The following PSEN1 variants were observed in gnomAD, a reference collection of about 807,000 sequenced individuals.
PSEN1 encodes the protein presenilin 1, also known as presenilin-1.
Under a neutral mutation model 53.5 loss-of-function variants are expected in PSEN1, and 15 were observed. That is an observed-to-expected ratio of 0.28 (90% CI 0.19 to 0.43). PSEN1 has a LOEUF of 0.43. Ranked by LOEUF, PSEN1 falls within the 20% of genes least tolerant of loss-of-function variation. PSEN1 has a pLI of 1.00. For missense variants in PSEN1, 387 were observed against 571.2 expected (o/e 0.68, Z 3.29); for synonymous variants, 208 against 209.8 (o/e 0.99, Z 0.08).
rs138855796 is a variant in PSEN1 at position 73,165,727 on chromosome 14, A to G, written c.88-5070A>G. 4.9e-3 allele frequency among the ~76,000 whole-genome samples: 709 copies of G among 145,966 alleles called. 4 individuals are homozygous for G. Among genetic ancestry groups the G allele is most frequent in the Middle Eastern group, 0.019 (5 of 266 alleles). ...CGCACCATTGCACTCCAGCCTGGGC[A>G]ACAAGAGTGAAACTCCGTCTTAAAA... On this transcript the variant is annotated intron_variant, in intron 3 of 11. Transcript: ENST00000324501.
chr14:73,138,024 A>G (rs965854206), intron 1 of PSEN1: 5 of 151,118 alleles, frequency 3.3e-5, no homozygotes, highest in Admixed American at 2.6e-4. Context: ...GTAAGCCAAG[A>G]TTATGCCACT....
Position 73,197,006 on chromosome 14 carries a change from C to T in PSEN1, c.770-1025C>T, listed in dbSNP as rs1157792415. On this transcript the variant is annotated intron_variant, in intron 7 of 11. Transcript: ENST00000324501. ...GGAGTGCAGTGGCGCAATCTCGGCGCACTGCAAGCTCCGCTTCCCGGGTTC... is the reference window on the plus strand; with the variant it reads ...GGAGTGCAGTGGCGCAATCTCGGCGTACTGCAAGCTCCGCTTCCCGGGTTC... 5.3e-5 allele frequency among the ~76,000 whole-genome samples: 8 copies of T among 149,768 alleles called. 1 individual carries two copies. The highest frequency in any genetic ancestry group is 4.7e-4 in the Admixed American group (7 of 14,960).
intron 3 of PSEN1, among the ~76,000 whole-genome samples, chr14:73,158,345 G>A (rs61986881): frequency 0.062 from 8,495 of 136,216 alleles, 322 homozygotes; most frequent in Non-Finnish European, 0.095. Context: ...TTTTTAAGAC[G>A]GAGTTTTGCT....
chr14:73,210,056 C>T (rs1317139436), intron 9 of PSEN1, among the ~76,000 whole-genome samples: 1 of 152,172 alleles, frequency 6.6e-6, no homozygotes, highest in Non-Finnish European at 1.5e-5. Context: ...TGAAAAATCA[C>T]TGTGTTAACG....
At chr14:73,184,146 C>G (rs184193) in intron 5 of PSEN1, among the ~76,000 whole-genome samples, 8 of 60,958 alleles carry the variant, frequency 1.3e-4, no homozygotes, top group South Asian at 1.1e-3. Flanking sequence ...GGCTGGCCGG[C>G]CGGGGGGCTG....
chr14:73,155,732 C>T (rs147905463), intron 3 of PSEN1, among the ~76,000 whole-genome samples: 277 of 152,022 alleles, frequency 1.8e-3, no homozygotes, highest in Admixed American at 3.0e-3. Context: ...TTGCCCAGGC[C>T]GGTCTTGAAC....
At chr14:73,210,443 C>T (rs1362496105) in intron 9 of PSEN1, among the ~76,000 whole-genome samples, 1 of 152,112 alleles carries the variant, frequency 6.6e-6, no homozygotes, top group Non-Finnish European at 1.5e-5. Context: ...AATGCTTTAT[C>T]TTCTCTATAG....
chr14:73,183,024 T>C (rs112516950), intron 5 of PSEN1, among the ~76,000 whole-genome samples: 1 of 152,182 alleles, frequency 6.6e-6, no homozygotes, highest in East Asian at 1.9e-4. Context: ...CTGGTATTGT[T>C]TGTCTTGGCC....
intron 7 of PSEN1, among the ~76,000 whole-genome samples, chr14:73,196,361 T>G (rs1022815025): frequency 7.9e-5 from 12 of 151,348 alleles, no homozygotes; most frequent in African/African-American, 2.2e-4. Context: ...GAGATTTCTT[T>G]GTGTATGTGT....
Position 73,219,331 on chromosome 14 carries a change from T to C in PSEN1, c.*42T>C. 1 of 1,579,326 alleles carries C rather than the reference T, an allele frequency of 6.3e-7. No individual in the cohort carries two copies. Among genetic ancestry groups the C allele is most frequent in the South Asian group, 1.1e-5 (1 of 90,408 alleles). The stretch of plus-strand genomic sequence containing the variant: ...ATCCCATGGATGTTTCTTCTTTGAC[T>C]ATAACAAAATCTGGGGAGGACAAAG... On this transcript the variant is annotated 3_prime_UTR_variant, in exon 12 of 12. Transcript: ENST00000324501.
At chr14:73,139,139 C>T (rs1167704307) in intron 1 of PSEN1, among the ~76,000 whole-genome samples, 1 of 150,638 alleles carries the variant, frequency 6.6e-6, no homozygotes, top group Non-Finnish European at 1.5e-5. Context: ...AAAAATTAGC[C>T]AGACATGGTG....
At chr14:73,138,757 G>C (rs1260966390) in intron 1 of PSEN1, among the ~76,000 whole-genome samples, 1 of 148,076 alleles carries the variant, frequency 6.8e-6, no homozygotes, top group Admixed American at 6.7e-5. Context: ...TCAGGAGATC[G>C]AGACATCCTG....
intron 5 of PSEN1, 69 bp downstream of exon 5, chr14:73,173,776 A>T (rs1416212650): frequency 7.2e-6 from 11 of 1,520,866 alleles, no homozygotes; most frequent in Non-Finnish European, 1.0e-5. Context: ...TTGTCACAGT[A>T]ACTTAACTGA....
At position 73,148,089 on chromosome 14, in the gene PSEN1, A is replaced by G. The variant is rs1203994295; in HGVS notation, c.70A>G (p.Asn24Asp). ...GATGTCTGAGGACAACCACCTGAGCAATACTGTACGTAGCCAGGTACAGTG... is the reference window on the plus strand; with the variant it reads ...GATGTCTGAGGACAACCACCTGAGCGATACTGTACGTAGCCAGGTACAGTG... ...AQMSEDNHLS[N>D]TVRSQNDNRE... Residue 24 changes from asparagine to aspartate, a missense_variant, in exon 3 of 12, where the codon AAT (asparagine) becomes GAT (aspartate). Physicochemically the swap from Asn to Asp is conservative, Grantham distance 23. Coordinates refer to ENST00000324501, the MANE Select transcript of PSEN1 (RefSeq NM_000021.4). The G allele has an allele frequency of 1.2e-6, 2 of 1,613,422 alleles. No individual in the cohort carries two copies. Among genetic ancestry groups the G allele is most frequent in the African/African-American group, 1.3e-5 (1 of 74,912 alleles).
intron 5 of PSEN1, among the ~76,000 whole-genome samples, chr14:73,184,716 G>T (rs1399447236): frequency 8.1e-6 from 1 of 123,396 alleles, no homozygotes. Flanking sequence ...CCTCCCTCCC[G>T]GATGGGGCGG....
At chr14:73,193,514 C>A (rs1382761532) in intron 7 of PSEN1, among the ~76,000 whole-genome samples, 2 of 138,656 alleles carry the variant, frequency 1.4e-5, no homozygotes, top group African/African-American at 2.7e-5. Flanking sequence ...GGTGCCACTG[C>A]ACTCTAGCCT....
At chr14:73,198,237 C>T (rs1273422337) in intron 8 of PSEN1, 108 bp downstream of exon 8, 2 of 718,562 alleles carry the variant, frequency 2.8e-6, no homozygotes, top group African/African-American at 1.8e-5. Flanking sequence ...ATCTTAAATG[C>T]ACAGCATTCC....
At chr14:73,138,553 A>G (rs189068922) in intron 1 of PSEN1, among the ~76,000 whole-genome samples, 131 of 149,690 alleles carry the variant, frequency 8.8e-4, no homozygotes, top group African/African-American at 3.0e-3. Flanking sequence ...GAGCCTCACT[A>G]TGTTGCCCAG....
intron 3 of PSEN1, among the ~76,000 whole-genome samples, chr14:73,153,920 G>C (rs1209954180): frequency 6.6e-6 from 1 of 151,920 alleles, no homozygotes. Flanking sequence ...CACCATGTTG[G>C]TCAGGCTGGT....
Sources: gnomAD v4.1 joint callset for allele counts (sites outside exome capture counted in the v4.1 genomes callset) on GRCh38, gnomAD v4.1.1 for gene constraint, MANE v1.5 for transcripts, NCBI Gene and HGNC (gene_info 2026-07-23, HGNC 2026-07-21) for gene names.